Variants in FRYL observed in about 807,000 individuals in gnomAD.
The protein encoded by FRYL is protein furry homolog-like.
In FRYL, 150 loss-of-function variants were observed where a neutral mutation model predicts 351.2. The observed-to-expected ratio is 0.43, with a 90% CI of 0.37 to 0.49. The LOEUF (loss-of-function observed/expected upper bound fraction) is 0.49. Ranked by LOEUF, FRYL falls within the 20% of genes least tolerant of loss-of-function variation. The pLI is 0.00. For missense variants in FRYL, 3,036 were observed against 3,619.3 expected, an observed-to-expected ratio of 0.84 and a Z score of 4.13; for synonymous variants, 1,153 against 1,257.1, an observed-to-expected ratio of 0.92 and a Z score of 1.75.
At chr4:48,514,871 G>C (rs1265146026) in intron 56 of FRYL, among the ~76,000 whole-genome samples, 157 bp downstream of exon 56, 1 of 152,152 alleles carries the variant, frequency 6.6e-6, no homozygotes, top group Non-Finnish European at 1.5e-5. Context: ...TAAAAACGAA[G>C]ATAGTATGAT....
intron 4 of FRYL, among the ~76,000 whole-genome samples, chr4:48,631,302 A>C (rs1368156343): frequency 3.3e-5 from 5 of 152,170 alleles, no homozygotes; most frequent in African/African-American, 1.2e-4. Flanking sequence ...TACCACTATT[A>C]ATCATAATTT....
chr4:48,677,319 C>T (rs141779998), intron 3 of FRYL, among the ~76,000 whole-genome samples: 1 of 152,000 alleles, frequency 6.6e-6, no homozygotes, highest in Admixed American at 6.6e-5. Flanking sequence ...GACTTATTCT[C>T]GGTTGATTCT....
intron 2 of FRYL, among the ~76,000 whole-genome samples, chr4:48,701,241 A>G (rs748986129): frequency 6.6e-6 from 1 of 152,218 alleles, no homozygotes; most frequent in Admixed American, 6.5e-5. Flanking sequence ...GGAGACAAAA[A>G]CAACTATTTA....
chr4:48,564,145 A>T, intron 30 of FRYL, 43 bp from the exon 31 acceptor site: 1 of 1,605,758 alleles, frequency 6.2e-7, no homozygotes, highest in African/African-American at 1.3e-5. Flanking sequence ...AACGTTATAT[A>T]TTTTTTGTCT....
intron 1 of FRYL, among the ~76,000 whole-genome samples, chr4:48,711,795 C>A (rs1768084510): frequency 1.3e-5 from 2 of 152,108 alleles, no homozygotes; most frequent in Non-Finnish European, 2.9e-5. Context: ...ACCCCCCGAG[C>A]AGTCTAACTG....
chr4:48,531,608 G>A (rs1727647611), intron 49 of FRYL, among the ~76,000 whole-genome samples: 1 of 152,132 alleles, frequency 6.6e-6, no homozygotes, highest in Admixed American at 6.5e-5. Context: ...CTCCCAATAA[G>A]TGCTTTGTAA....
chr4:48,568,671 A>G (rs1198196379), intron 27 of FRYL, among the ~76,000 whole-genome samples: 1 of 152,204 alleles, frequency 6.6e-6, no homozygotes, highest in African/African-American at 2.4e-5. Flanking sequence ...TATATTAACT[A>G]GATCAGTCTA....
At chr4:48,777,033 G>A (rs1343520673) in intron 1 of FRYL, among the ~76,000 whole-genome samples, 7 of 151,584 alleles carry the variant, frequency 4.6e-5, no homozygotes, top group Non-Finnish European at 1.0e-4. Context: ...CTGGCTCTGG[G>A]TCTAATTTAA....
intron 9 of FRYL, among the ~76,000 whole-genome samples, chr4:48,606,993 A>G (rs1746976039): frequency 6.6e-6 from 1 of 152,222 alleles, no homozygotes; most frequent in Non-Finnish European, 1.5e-5. Flanking sequence ...AATTAGTTAT[A>G]TGGAGAGCAT....
At chr4:48,513,621 C>T (rs1246368498) in intron 56 of FRYL, among the ~76,000 whole-genome samples, 1 of 152,142 alleles carries the variant, frequency 6.6e-6, no homozygotes, top group Non-Finnish European at 1.5e-5. Context: ...AATTTTGGAG[C>T]AATGCATATG....
chr4:48,648,573 G>C (rs1454494232), intron 3 of FRYL, among the ~76,000 whole-genome samples: 1 of 152,132 alleles, frequency 6.6e-6, no homozygotes, highest in South Asian at 2.1e-4. Flanking sequence ...GAGATTTTCT[G>C]GGGGGTGAGG....
intron 1 of FRYL, among the ~76,000 whole-genome samples, chr4:48,729,818 C>A (rs567534784): frequency 1.3e-5 from 2 of 152,272 alleles, no homozygotes; most frequent in Admixed American, 1.3e-4. Context: ...AGTCCAAAAA[C>A]CAGAACGCCT....
chr4:48,710,469 T>C (rs1478071024), intron 2 of FRYL, 50 bp downstream of exon 2: 1 of 398,562 alleles, frequency 2.5e-6, no homozygotes, highest in Non-Finnish European at 4.4e-6. Context: ...TTAACTCATA[T>C]ATAAAAAAGG....
chr4:48,604,876 G>A (rs575690465), intron 11 of FRYL, among the ~76,000 whole-genome samples: 11 of 151,948 alleles, frequency 7.2e-5, no homozygotes, highest in African/African-American at 2.7e-4. Context: ...TCCTTTTGAC[G>A]AACTGCCTTA....
chr4:48,631,740 G>A (rs1253202963), intron 4 of FRYL, among the ~76,000 whole-genome samples: 1 of 151,870 alleles, frequency 6.6e-6, no homozygotes, highest in Non-Finnish European at 1.5e-5. Flanking sequence ...GGATGACTAA[G>A]TTAGAGGGAA....
intron 1 of FRYL, among the ~76,000 whole-genome samples, chr4:48,716,407 A>G (rs772917346): frequency 2.2e-4 from 33 of 151,730 alleles, no homozygotes; most frequent in Non-Finnish European, 2.1e-4. Context: ...AGAATCTACA[A>G]TGAACTCCAA....
At chr4:48,640,223 T>G (rs1053365271) in intron 3 of FRYL, among the ~76,000 whole-genome samples, 7 of 152,196 alleles carry the variant, frequency 4.6e-5, no homozygotes, top group African/African-American at 1.7e-4. Context: ...TATAGCAGCT[T>G]TATTCATAAT....
intron 55 of FRYL, among the ~76,000 whole-genome samples, chr4:48,520,036 T>C (rs915317362): frequency 4.6e-5 from 7 of 152,128 alleles, no homozygotes; most frequent in African/African-American, 1.7e-4. Flanking sequence ...CGGCCTGAAA[T>C]GAAATTTTTT....
chr4:48,613,594 G>A (rs1407797806), intron 7 of FRYL, among the ~76,000 whole-genome samples: 2 of 152,148 alleles, frequency 1.3e-5, no homozygotes, highest in Admixed American at 6.5e-5. Context: ...ACAGATGAGG[G>A]AAATGAAGTT....
Sources: gnomAD v4.1 joint callset for allele counts (sites outside exome capture counted in the v4.1 genomes callset) on GRCh38, gnomAD v4.1.1 for gene constraint, MANE v1.5 for transcripts, NCBI Gene and HGNC (gene_info 2026-07-23, HGNC 2026-07-21) for gene names.